Variants in FAM184B observed in about 807,000 individuals in gnomAD.
The protein encoded by FAM184B is family with sequence similarity 184 member B.
A neutral mutation model predicts 135.9 loss-of-function variants in FAM184B; 111 were observed. That is an observed-to-expected ratio of 0.82 (90% confidence interval 0.70 to 0.96). The LOEUF is 0.96. Ranked by LOEUF, FAM184B falls within the 40% of genes least tolerant of loss-of-function variation. The pLI, the probability that FAM184B is intolerant of heterozygous loss-of-function variation, is 0.00. For missense variants in FAM184B, 1,375 were observed against 1,323.9 expected, an observed-to-expected ratio of 1.04 and a Z score of -0.60; for synonymous variants, 552 against 524.8, an observed-to-expected ratio of 1.05 and a Z score of -0.71.
chr4:17,728,198 T>A (rs1717687195), intron 1 of FAM184B, among the ~76,000 whole-genome samples: 1 of 152,096 alleles, frequency 6.6e-6, no homozygotes, highest in South Asian at 2.1e-4. Context: ...AGGATGAAGA[T>A]GAGGATAGTG....
At chr4:17,714,144 G>GT (rs1400615536) in intron 1 of FAM184B, among the ~76,000 whole-genome samples, 1 of 152,168 alleles carries the variant, frequency 6.6e-6, no homozygotes, top group Non-Finnish European at 1.5e-5. Context: ...TTCACAGTAA[G>GT]TATCTGCTAT....
At chr4:17,670,958 T>G (rs1225347506) in intron 7 of FAM184B, among the ~76,000 whole-genome samples, 1 of 152,150 alleles carries the variant, frequency 6.6e-6, no homozygotes, top group Non-Finnish European at 1.5e-5. Context: ...TCTGAAAAAC[T>G]GCAACTCAAA....
chr4:17,673,909 A>G (rs1380699960), intron 7 of FAM184B, among the ~76,000 whole-genome samples: 1 of 152,126 alleles, frequency 6.6e-6, no homozygotes, highest in Admixed American at 6.6e-5. Flanking sequence ...CCAATAACCT[A>G]TGGAAATAAA....
intron 1 of FAM184B, among the ~76,000 whole-genome samples, chr4:17,740,574 T>G (rs948380814): frequency 6.6e-6 from 1 of 152,160 alleles, no homozygotes; most frequent in Non-Finnish European, 1.5e-5. Flanking sequence ...TTTCTTGAAA[T>G]AAAATACATA....
intron 1 of FAM184B, among the ~76,000 whole-genome samples, chr4:17,745,214 A>G (rs1718133308): frequency 6.6e-6 from 1 of 152,172 alleles, no homozygotes; most frequent in Admixed American, 6.5e-5. Flanking sequence ...TCTGGACTAG[A>G]TTTTAGTCCT....
chr4:17,665,390 T>G (rs1024283867), intron 7 of FAM184B, among the ~76,000 whole-genome samples: 3 of 152,204 alleles, frequency 2.0e-5, no homozygotes, highest in Non-Finnish European at 4.4e-5. Flanking sequence ...AAGACCTTGT[T>G]ATTTTGATTT....
intron 1 of FAM184B, among the ~76,000 whole-genome samples, chr4:17,737,945 A>C (rs1717947908): frequency 6.6e-6 from 1 of 152,200 alleles, no homozygotes; most frequent in Admixed American, 6.5e-5. Context: ...ACAGACAAAA[A>C]CAACCATGAA....
intron 7 of FAM184B, among the ~76,000 whole-genome samples, chr4:17,682,038 CAGCCCTATGGCT>C (rs1421953357): frequency 3.9e-5 from 6 of 152,216 alleles, no homozygotes; most frequent in Non-Finnish European, 7.3e-5. Context: ...CCTGGACATG[CAGCCCTATGGCT>C]TGTATAGTGA....
chr4:17,766,046 G>A (rs1718675497), intron 1 of FAM184B, among the ~76,000 whole-genome samples: 2 of 152,222 alleles, frequency 1.3e-5, no homozygotes, highest in Admixed American at 6.5e-5. Context: ...GAGTGTTACA[G>A]CTCATAAAGG....
intron 16 of FAM184B, 84 bp from the exon 17 acceptor site, chr4:17,633,972 CA>C (rs796818449): frequency 2.7e-6 from 3 of 1,113,830 alleles, no homozygotes; most frequent in African/African-American, 3.3e-5. Flanking sequence ...AATGCTCACC[CA>C]ATCAAAATTG....
chr4:17,742,155 TATATATATA>T (rs1361154669), intron 1 of FAM184B, among the ~76,000 whole-genome samples: 14,063 of 94,846 alleles, frequency 0.15, 956 homozygotes, highest in South Asian at 0.25. Flanking sequence ...TATATATATA[TATATATATA>T]TATATTTTTT....
chr4:17,680,071 C>T (rs906835111), intron 7 of FAM184B, among the ~76,000 whole-genome samples: 4 of 152,126 alleles, frequency 2.6e-5, no homozygotes, highest in Non-Finnish European at 5.9e-5. Context: ...ACACTGGGTA[C>T]AGTGTACACT....
At chr4:17,764,405 A>G (rs1349559675) in intron 1 of FAM184B, among the ~76,000 whole-genome samples, 3 of 152,132 alleles carry the variant, frequency 2.0e-5, no homozygotes, top group African/African-American at 7.2e-5. Context: ...ACATGCATAC[A>G]TCCCTTAAGG....
At chr4:17,699,122 A>G (rs1169378317) in intron 5 of FAM184B, among the ~76,000 whole-genome samples, 1 of 152,088 alleles carries the variant, frequency 6.6e-6, no homozygotes, top group African/African-American at 2.4e-5. Context: ...AAAGTGAAAA[A>G]TGTACTGAAT....
At chr4:17,713,052 A>G (rs1452506883) in intron 1 of FAM184B, among the ~76,000 whole-genome samples, 1 of 152,210 alleles carries the variant, frequency 6.6e-6, no homozygotes, top group Non-Finnish European at 1.5e-5. Context: ...TCTCTGTCTG[A>G]TATAGCCATC....
At chr4:17,769,882 C>T (rs1718775591) in intron 1 of FAM184B, among the ~76,000 whole-genome samples, 1 of 152,132 alleles carries the variant, frequency 6.6e-6, no homozygotes, top group African/African-American at 2.4e-5. Context: ...TACCCTTAGG[C>T]AATAAACCAA....
intron 5 of FAM184B, among the ~76,000 whole-genome samples, chr4:17,699,177 ACTT>A: frequency 6.6e-6 from 1 of 152,172 alleles, no homozygotes. Flanking sequence ...AGATGAGTAA[ACTT>A]GAAGATACAG....
intron 6 of FAM184B, among the ~76,000 whole-genome samples, chr4:17,689,901 A>T (rs13147652): frequency 6.6e-6 from 1 of 151,968 alleles, no homozygotes; most frequent in East Asian, 2.0e-4. Context: ...GTAATCCCAG[A>T]ACTTTGGGAG....
chr4:17,708,081 T>C (rs1373004807), intron 2 of FAM184B, among the ~76,000 whole-genome samples: 2 of 152,134 alleles, frequency 1.3e-5, no homozygotes, highest in African/African-American at 4.8e-5. Flanking sequence ...CATAACTGAA[T>C]CATCCATGAT....
Sources: allele counts gnomAD v4.1 joint callset (sites outside exome capture counted in the v4.1 genomes callset), GRCh38; gene constraint gnomAD v4.1.1; transcripts MANE v1.5; gene names NCBI Gene and HGNC (gene_info 2026-07-23, HGNC 2026-07-21).